FBXO21: variants seen among roughly 807,000 people sequenced by gnomAD.
FBXO21 encodes the protein F-box only protein 21.
Under a neutral mutation model 76.6 loss-of-function variants are expected in FBXO21, and 32 were observed. The ratio of observed to expected loss-of-function variants is 0.42; its 90% CI spans 0.32 to 0.56. FBXO21 has a LOEUF of 0.56. Ranked by LOEUF, FBXO21 falls within the 20% of genes least tolerant of loss-of-function variation. The pLI, the probability that FBXO21 is intolerant of heterozygous loss-of-function variation, is 0.16. For synonymous variants in FBXO21, 328 were observed against 311.5 expected (o/e 1.05, Z -0.56); for missense variants, 586 against 797.3 (o/e 0.73, Z 3.19).
Position 117,186,465 on chromosome 12 carries a change from G to A in FBXO21, c.470+12C>T, listed in dbSNP as rs761466859. 5.7e-6 allele frequency: 9 copies of A among 1,575,440 alleles called. No homozygotes were observed. In the Admixed American group the frequency reaches 1.0e-4, roughly 18 times the overall value. On this transcript the variant is annotated intron_variant, in intron 3 of 11. Transcript: ENST00000622495. The stretch of plus-strand genomic sequence containing the variant: ...TTAAAGCAAACAAATCCCTGCTAAA[G>A]CTATGGCTTACCTTCCTTCCATATT...
intron 3 of FBXO21, among the ~76,000 whole-genome samples, chr12:117,182,564 CTTTTTT>C (rs891529583): frequency 3.6e-5 from 3 of 83,338 alleles, no homozygotes; most frequent in East Asian, 4.8e-4. Context: ...GCAAGAGGAT[CTTTTTT>C]TTTTTTTTTT....
chr12:117,181,229 G>C (rs887032040), intron 3 of FBXO21, among the ~76,000 whole-genome samples: 1 of 152,078 alleles, frequency 6.6e-6, no homozygotes, highest in African/African-American at 2.4e-5. Flanking sequence ...TTCTTGTTAA[G>C]TTGTTAAGTT....
chr12:117,164,731 C>T (rs1956031698), intron 9 of FBXO21, among the ~76,000 whole-genome samples: 1 of 152,086 alleles, frequency 6.6e-6, no homozygotes, highest in Admixed American at 6.5e-5. Context: ...AAGATTTTAC[C>T]CCTCTCTAAT....
chr12:117,162,973 T>G (rs1956001326), intron 9 of FBXO21, among the ~76,000 whole-genome samples: 1 of 152,182 alleles, frequency 6.6e-6, no homozygotes, highest in South Asian at 2.1e-4. Flanking sequence ...TTGTCCGATT[T>G]CTTCAGCACC....
Position 117,146,016 on chromosome 12 carries a change from C to A in FBXO21, c.*71G>T. 1 of 1,327,498 alleles carries A rather than the reference C, an allele frequency of 7.5e-7. No individual in the cohort carries two copies. The highest frequency in any genetic ancestry group is 1.5e-5 in the South Asian group (1 of 67,262). The allele number at this position is 1,327,498 out of a possible 1,614,324, so 82.2% of individuals were successfully genotyped here. On this transcript the variant is annotated 3_prime_UTR_variant, in exon 12 of 12. Transcript: ENST00000622495. ...GCAGGTCCCGAGGGCTCCGTGGAGA[C>A]GTCTTCTTCCGGAGTCCCGTTCTCT...
At chr12:117,190,158 C>G (rs1956330025) in intron 1 of FBXO21, 60 bp downstream of exon 1, 1 of 967,728 alleles carries the variant, frequency 1.0e-6, no homozygotes, top group African/African-American at 1.8e-5. Flanking sequence ...GGGCGGCTGC[C>G]CGGCCCCGGG....
At chr12:117,182,517 G>A (rs1956244174) in intron 3 of FBXO21, among the ~76,000 whole-genome samples, 3 of 148,852 alleles carry the variant, frequency 2.0e-5, no homozygotes, top group Admixed American at 1.3e-4. Context: ...GGGCGTGGTG[G>A]CTCACACCTG....
chr12:117,153,064 C>A lies in FBXO21; in HGVS notation c.1675+2727G>T, dbSNP rs77720774. On this transcript the variant is annotated intron_variant, in intron 11 of 11. Transcript: ENST00000622495. ...TTCTGCACTGCCTGCCGATGAGAAA[C>A]TCCTGATGGTCAGTCAATTCAAGCA... Among the ~76,000 whole-genome samples the A allele has an allele frequency of 5.4e-4, 82 of 152,174 alleles. No homozygotes were observed. In the East Asian group the frequency reaches 0.015, roughly 28 times the overall value.
intron 9 of FBXO21, among the ~76,000 whole-genome samples, chr12:117,161,755 G>GCACAGGTGCAGGGTAGAAGACGTCTAGA: frequency 6.6e-6 from 1 of 152,118 alleles, no homozygotes; most frequent in Admixed American, 6.5e-5. Context: ...AAGAAGAGGG[G>GCACAGGTGCAGGGTAGAAGACGTCTAGA]AACTGTCCTA....
intron 3 of FBXO21, among the ~76,000 whole-genome samples, chr12:117,182,777 G>A (rs1224124351): frequency 6.6e-6 from 1 of 151,712 alleles, no homozygotes; most frequent in South Asian, 2.1e-4. Context: ...TGGACAGGCT[G>A]GTCTTGAACT....
In FBXO21 at chr12:117,172,609, T is replaced by A. The variant is rs1174053394; in HGVS notation, c.877-2A>T. 1 of 1,608,604 alleles carries A rather than the reference T, an allele frequency of 6.2e-7. No individual in the cohort carries two copies. The highest frequency in any genetic ancestry group is 8.5e-7 in the Non-Finnish European group (1 of 1,176,500). On this transcript the variant is annotated splice_acceptor_variant, in intron 6 of 11. Transcript: ENST00000622495. LOFTEE classifies it high-confidence loss of function. ...GATTCCTGTTCTGCGAATCAAAACC[T>A]AAAGCAGAAAAAATGCTTTTATTTC...
intron 7 of FBXO21, among the ~76,000 whole-genome samples, chr12:117,167,883 G>C (rs868635866): frequency 6.6e-6 from 1 of 152,236 alleles, no homozygotes; most frequent in African/African-American, 2.4e-5. Flanking sequence ...AGCACAGAGA[G>C]CTGTGCCCCT....
intron 10 of FBXO21, among the ~76,000 whole-genome samples, chr12:117,157,198 GA>G (rs1030626424): frequency 6.7e-6 from 1 of 150,002 alleles, no homozygotes; most frequent in African/African-American, 2.4e-5. Context: ...AAAAAAAAAA[GA>G]AAAAAAGAAA....
At chr12:117,155,571 T>C (rs1442877227) in intron 11 of FBXO21, 1 of 602,110 alleles carries the variant, frequency 1.7e-6, no homozygotes, top group Non-Finnish European at 3.0e-6. Context: ...GCGGAGGCCC[T>C]GGGGGAGGGC....
intron 6 of FBXO21, among the ~76,000 whole-genome samples, chr12:117,173,751 C>T (rs902464900): frequency 6.6e-6 from 1 of 152,160 alleles, no homozygotes; most frequent in African/African-American, 2.4e-5. Flanking sequence ...CAACAATATC[C>T]TTACAGCAGA....
chr12:117,186,844 T>G (rs771605982), intron 2 of FBXO21, among the ~76,000 whole-genome samples: 1 of 152,244 alleles, frequency 6.6e-6, no homozygotes, highest in Non-Finnish European at 1.5e-5. Flanking sequence ...AAACTAGCTC[T>G]GGCCGGCCAT....
chr12:117,177,878 CAT>C (rs1391754319), intron 3 of FBXO21, among the ~76,000 whole-genome samples: 2 of 152,256 alleles, frequency 1.3e-5, no homozygotes, highest in Non-Finnish European at 2.9e-5. Context: ...CTGTATCTTT[CAT>C]AAAAGGAAAT....
rs900317868 is a variant in FBXO21 at position 117,144,478 on chromosome 12, C to G, written c.*1609G>C. 38 of 152,176 alleles carry G rather than the reference C, an allele frequency of 2.5e-4. No homozygotes were observed. Among genetic ancestry groups the G allele is most frequent in the African/African-American group, 8.4e-4 (35 of 41,448 alleles). The allele number at this position is 152,176 out of a possible 1,614,324, so 9.4% of individuals were successfully genotyped here. A position where few individuals can be genotyped will look rare whatever the true frequency, so the allele number is the denominator to read the frequency against. ...TTCTAGTAACTGCTTAAAGCCTTCC[C>G]TTGCTATGAAGTGGTCTCAGGTGGC... On this transcript the variant is annotated 3_prime_UTR_variant, in exon 12 of 12. Transcript: ENST00000622495.
chr12:117,181,336 C>T (rs1316327818), intron 3 of FBXO21, among the ~76,000 whole-genome samples: 1 of 152,088 alleles, frequency 6.6e-6, no homozygotes, highest in Non-Finnish European at 1.5e-5. Context: ...GCTATTTTTT[C>T]CTTTGGCACA....
Sources: gnomAD v4.1 joint callset for allele counts (sites outside exome capture counted in the v4.1 genomes callset) on GRCh38, gnomAD v4.1.1 for gene constraint, MANE v1.5 for transcripts, NCBI Gene and HGNC (gene_info 2026-07-23, HGNC 2026-07-21) for gene names.